The following CYP19A1 variants were observed in gnomAD, a reference collection of about 807,000 sequenced individuals.
CYP19A1 encodes the protein cytochrome P450 family 19 subfamily A member 1, also known as aromatase.
Under a neutral mutation model 44.4 loss-of-function variants are expected in CYP19A1, and 32 were observed. That is an observed-to-expected ratio of 0.72 (90% CI 0.54 to 0.97). CYP19A1 has a LOEUF of 0.97. CYP19A1 is among the 50% of genes least tolerant of loss of function. The pLI is 0.00. For synonymous variants in CYP19A1, 212 were observed against 215.6 expected, an observed-to-expected ratio of 0.98 and a Z score of 0.14; for missense variants, 598 against 637.8, an observed-to-expected ratio of 0.94 and a Z score of 0.67.
intron 4 of CYP19A1, 29 bp from the exon 5 acceptor site, chr15:51,222,554 A>G (rs769538979): frequency 3.1e-6 from 5 of 1,593,814 alleles, no homozygotes; most frequent in Non-Finnish European, 4.3e-6. Context: ...AGAATCAGCC[A>G]TCACGAACTC....
chr15:51,251,292 G>A (rs373535661), intron 1 of CYP19A1, among the ~76,000 whole-genome samples: 48 of 152,256 alleles, frequency 3.2e-4, no homozygotes, highest in African/African-American at 1.1e-3. Context: ...CCCAGGTGCC[G>A]CCAGCCAGAG....
At chr15:51,285,059 A>G (rs534955273) in intron 1 of CYP19A1, among the ~76,000 whole-genome samples, 1 of 152,222 alleles carries the variant, frequency 6.6e-6, no homozygotes, top group Non-Finnish European at 1.5e-5. Flanking sequence ...TCCCCATAAC[A>G]TGGGGACAGA....
At chr15:51,264,089 A>G (rs914184840) in intron 1 of CYP19A1, among the ~76,000 whole-genome samples, 1 of 152,186 alleles carries the variant, frequency 6.6e-6, no homozygotes, top group African/African-American at 2.4e-5. Context: ...AGATTTATGG[A>G]CATAGGCAAA....
At chr15:51,299,003 C>T (rs554909995) in intron 1 of CYP19A1, among the ~76,000 whole-genome samples, 21 of 152,208 alleles carry the variant, frequency 1.4e-4, no homozygotes, top group Non-Finnish European at 2.4e-4. Flanking sequence ...ATCTGCCACC[C>T]CCATGCTCCA....
chr15:51,217,129 G>T (rs1270549782), intron 6 of CYP19A1, among the ~76,000 whole-genome samples: 2 of 152,204 alleles, frequency 1.3e-5, no homozygotes, highest in Non-Finnish European at 2.9e-5. Context: ...CAGCTGGGCT[G>T]TGGTGCCCTC....
At position 51,227,847 on chromosome 15, in the gene CYP19A1, T is replaced by G; in HGVS notation, c.383A>C (p.His128Pro). 1 of 1,513,218 alleles carries G rather than the reference T, an allele frequency of 6.6e-7. No individual in the cohort carries two copies. Among genetic ancestry groups the G allele is most frequent in the Non-Finnish European group, 9.2e-7 (1 of 1,088,146 alleles). 93.7% of individuals were successfully genotyped at this position (1,513,218 alleles called of 1,614,324 possible). Residue 128 changes from histidine to proline, a missense_variant, in exon 4 of 10, where the codon CAT becomes CCT. Transcript: ENST00000396402. ...SKLGLQCIGM[H>P]EKGIIFNNNP... ...GTTGTTAAATATGATGCCTTTCTCA[T>G]GCATACCGATGCACTGCAGCCCAAG... is the stretch of plus-strand genomic sequence containing the variant.
chr15:51,291,224 G>T (rs993246482), intron 1 of CYP19A1, among the ~76,000 whole-genome samples: 3 of 152,170 alleles, frequency 2.0e-5, no homozygotes, highest in African/African-American at 7.2e-5. Context: ...GTAGTGGCGG[G>T]CAGAGAGGAT....
chr15:51,336,401 A>G (rs1193152255), intron 1 of CYP19A1, among the ~76,000 whole-genome samples: 1 of 152,222 alleles, frequency 6.6e-6, no homozygotes, highest in Non-Finnish European at 1.5e-5. Flanking sequence ...GATGGTGTGA[A>G]GTTTCTTGGG....
Position 51,242,915 on chromosome 15 carries a change from T to C in CYP19A1, c.-3A>G. The C allele has an allele frequency of 6.2e-7, 1 of 1,608,204 alleles. No individual in the cohort carries two copies. Among genetic ancestry groups the C allele is most frequent in the South Asian group, 1.1e-5 (1 of 90,946 alleles). ...GGGTTCAGCATTTCCAAAACCATCT[T>C]GTGTTCCTTGACCTCAGAGGGGGCA... On this transcript the variant is annotated 5_prime_UTR_variant, in exon 2 of 10. Coordinates refer to ENST00000396402, the MANE Select transcript of CYP19A1 (RefSeq NM_000103.4).
At chr15:51,221,254 GGCT>G (rs1283394953) in intron 5 of CYP19A1, 1 of 152,056 alleles carries the variant, frequency 6.6e-6, no homozygotes, top group Admixed American at 6.6e-5. Context: ...CACCTGAATG[GGCT>G]TGTGAATTTT....
intron 8 of CYP19A1, among the ~76,000 whole-genome samples, chr15:51,213,415 T>TC (rs764865000): frequency 2.0e-4 from 31 of 152,160 alleles, no homozygotes; most frequent in Non-Finnish European, 3.7e-4. Context: ...CAGCCCTGTC[T>TC]CATATACAAC....
At chr15:51,314,336 A>G (rs2036379787) in intron 1 of CYP19A1, among the ~76,000 whole-genome samples, 1 of 152,062 alleles carries the variant, frequency 6.6e-6, no homozygotes, top group Non-Finnish European at 1.5e-5. Flanking sequence ...TTTGGGAAAG[A>G]GGGACTTTTT....
At chr15:51,338,436 C>T (rs1012025611) in intron 1 of CYP19A1, 59 bp downstream of exon 1, 1 of 152,312 alleles carries the variant, frequency 6.6e-6, no homozygotes, top group Admixed American at 6.5e-5. Context: ...ACACTATCTA[C>T]CTGGAAAGAG....
intron 3 of CYP19A1, among the ~76,000 whole-genome samples, chr15:51,228,509 T>C (rs942903713): frequency 2.0e-5 from 3 of 152,358 alleles, no homozygotes; most frequent in African/African-American, 4.8e-5. Flanking sequence ...AAATATCTCC[T>C]TGGGCACTTC....
chr15:51,248,915 C>T (rs2034185018), intron 1 of CYP19A1, among the ~76,000 whole-genome samples: 1 of 151,716 alleles, frequency 6.6e-6, no homozygotes, highest in South Asian at 2.1e-4. Context: ...CAGTTGTCTA[C>T]AAGACTTTCA....
chr15:51,214,472 T>G (rs1221237357), intron 8 of CYP19A1, among the ~76,000 whole-genome samples: 3 of 152,272 alleles, frequency 2.0e-5, no homozygotes, highest in African/African-American at 7.2e-5. Context: ...CACTACCCTG[T>G]CTTTGCTGTC....
Position 51,283,462 on chromosome 15 carries a change from G to A in CYP19A1, c.-38-40512C>T, listed in dbSNP as rs28875897. ...CCATTACTATAATCCAGCAAGGAGG[G>A]AAGGAATTCAAGCAAGCCATTACTC... is the stretch of plus-strand genomic sequence containing the variant. On this transcript the variant is annotated intron_variant, in intron 1 of 9. Coordinates refer to ENST00000396402, the MANE Select transcript of CYP19A1 (RefSeq NM_000103.4). Among the ~76,000 whole-genome samples, 1,253 of 152,296 alleles carry A rather than the reference G, an allele frequency of 8.2e-3. 19 individuals are homozygous for A. The highest frequency in any genetic ancestry group is 0.029 in the African/African-American group (1,194 of 41,562).
rs1172430562 is a variant in CYP19A1 at position 51,294,551 on chromosome 15, G to A, written c.-39+43944C>T. ...CATCTGGGAAGTGAGGAGCGTCTCCGCCCGGCAGCCGCCCCGTCCGGGAGG... is the reference window on the plus strand; with the variant it reads ...CATCTGGGAAGTGAGGAGCGTCTCCACCCGGCAGCCGCCCCGTCCGGGAGG... On this transcript the variant is annotated intron_variant, in intron 1 of 9. Coordinates refer to ENST00000396402, the MANE Select transcript of CYP19A1 (RefSeq NM_000103.4). Among the ~76,000 whole-genome samples the A allele has an allele frequency of 5.5e-3, 823 of 149,652 alleles. 11 individuals carry two copies. The highest frequency in any genetic ancestry group is 0.018 in the African/African-American group (700 of 39,934).
At chr15:51,217,333 A>T (rs2141047844) in intron 6 of CYP19A1, among the ~76,000 whole-genome samples, 1 of 152,376 alleles carries the variant, frequency 6.6e-6, no homozygotes, top group Non-Finnish European at 1.5e-5. Context: ...CCAAGGCTAA[A>T]CTAATGACTG....
Sources: gnomAD v4.1 joint callset for allele counts (sites outside exome capture counted in the v4.1 genomes callset) on GRCh38, gnomAD v4.1.1 for gene constraint, MANE v1.5 for transcripts, NCBI Gene and HGNC (gene_info 2026-07-23, HGNC 2026-07-21) for gene names.